Variants in ATG2A observed in about 807,000 individuals in gnomAD.
ATG2A encodes the protein autophagy-related protein 2 homolog A.
In ATG2A, 103 loss-of-function variants were observed where a neutral mutation model predicts 214.2. That is an observed-to-expected ratio of 0.48 (90% CI 0.41 to 0.57). The LOEUF (loss-of-function observed/expected upper bound fraction) is 0.57. Ranked by LOEUF, ATG2A falls within the 20% of genes least tolerant of loss-of-function variation. The probability of loss-of-function intolerance (pLI) is 0.00; values close to 1 mark genes in which losing one functional copy is unlikely to be tolerated. For synonymous variants in ATG2A, 1,160 were observed against 1,142.1 expected (o/e 1.02, Z -0.32); for missense variants, 2,312 against 2,613.2 (o/e 0.88, Z 2.51).
rs1471575748 is a variant in ATG2A, at chr11:64,914,132, G to A, written c.436C>T (p.Pro146Ser). 1 of 1,552,938 alleles carries A rather than the reference G, an allele frequency of 6.4e-7. No homozygotes were observed. The highest frequency in any genetic ancestry group is 2.4e-5 in the East Asian group (1 of 41,130). ...TCCAGCCCCTCCAGGGGCTGTGGTG[G>A]CTCAGAGGGCTCCGGTAGCCCATCC... ...LRDGLPEPSEPPQPLEGLEMF... is the reference protein window; with the variant it reads ...LRDGLPEPSESPQPLEGLEMF... The change falls in exon 3 of 41, where the codon CCA becomes TCA. Residue 146 changes from proline (P) to serine (S), a missense_variant. Coordinates refer to ENST00000377264, the MANE Select transcript of ATG2A (RefSeq NM_015104.3).
chr11:64,907,971 CT>C (rs1225903102), intron 16 of ATG2A, 81 bp from the exon 17 acceptor site: 1 of 1,485,754 alleles, frequency 6.7e-7, no homozygotes, highest in Admixed American at 2.0e-5. Context: ...CAGTCCTGCC[CT>C]CCTGTCGTTC....
Position 64,907,274 on chromosome 11 carries a change from G to C in ATG2A, c.2813C>G (p.Thr938Arg), listed in dbSNP as rs1417727129. 1 of 1,522,726 alleles carries C rather than the reference G, an allele frequency of 6.6e-7. No homozygotes were observed. Among genetic ancestry groups the C allele is most frequent in the African/African-American group, 1.4e-5 (1 of 72,064 alleles). 94.3% of individuals were successfully genotyped at this position (1,522,726 alleles called of 1,614,324 possible). The change falls in exon 19 of 41, where the codon ACA becomes AGA. Residue 938 changes from threonine (T) to arginine (R), a missense_variant. By Grantham distance (71) the Thr-to-Arg change is moderately conservative. Transcript: ENST00000377264. ...ACTCACCTTGGTCTCACAGAGGGCT[G>C]TGATCCGCCCCTTCAGCACTGTCAC... ...TLVTVLKGRI[T>R]ALCETKDEGG...
chr11:64,909,394 G>A (rs774498467), intron 14 of ATG2A, 27 bp from the exon 15 acceptor site: 2 of 1,596,584 alleles, frequency 1.3e-6, no homozygotes, highest in Non-Finnish European at 8.6e-7. Context: ...AATTAGGGGG[G>A]TCATCACTGC....
rs779410634 is a variant in ATG2A, at chr11:64,895,075, C to G, written c.5715G>C (p.Thr1905=). 1 of 1,612,874 alleles carries G rather than the reference C, an allele frequency of 6.2e-7. No homozygotes were observed. Among genetic ancestry groups the G allele is most frequent in the African/African-American group, 1.3e-5 (1 of 74,932 alleles). ...PTVVKPLILA[T]EATSSLLGGM... is the part of the protein sequence containing the mutation. ...CCCCGAGCAGGCTGGACGTGGCCTC[C>G]GTGGCCAGGATGAGCGGCTTCACCA... The change falls in exon 41 of 41, where the codon ACG becomes ACC. Residue 1905 remains threonine, a synonymous_variant. Coordinates refer to ENST00000377264, the MANE Select transcript of ATG2A (RefSeq NM_015104.3). This position sits in a 1 kb window ranked among gnomAD's most constrained non-coding sequence, Gnocchi z 5.0.
At position 64,914,071 on chromosome 11, in the gene ATG2A, G is replaced by T; in HGVS notation, c.487+10C>A. ...GCAGGAGACAGGGCGGCCAGGAGGG[G>T]CCTGCTCACCAGTCTCAATGGTCTG... On this transcript the variant is annotated intron_variant, in intron 3 of 40. Coordinates refer to ENST00000377264, the MANE Select transcript of ATG2A (RefSeq NM_015104.3). 6.5e-7 allele frequency: 1 copy of T among 1,537,642 alleles called. No individual in the cohort carries two copies. Among genetic ancestry groups the T allele is most frequent in the Non-Finnish European group, 8.8e-7 (1 of 1,138,606 alleles).
At chr11:64,900,668 C>T (rs1944321111) in intron 30 of ATG2A, 39 bp from the exon 31 acceptor site, 1 of 1,553,376 alleles carries the variant, frequency 6.4e-7, no homozygotes, top group Non-Finnish European at 8.7e-7. Flanking sequence ...CTCAGAGGAA[C>T]CCCATTCCCT....
chr11:64,912,765 G>T lies in ATG2A; in HGVS notation c.825+273C>A, dbSNP rs376262799. The T allele has an allele frequency of 7.1e-4, 321 of 449,124 alleles. 1 individual carries two copies. The highest frequency in any genetic ancestry group is 6.0e-3 in the African/African-American group (297 of 49,338). The allele number at this position is 449,124 out of a possible 1,614,324, so 27.8% of individuals were successfully genotyped here. On this transcript the variant is annotated intron_variant, in intron 6 of 40. Transcript: ENST00000377264. ...TGTGCCACCACGCCTGGCTAATTTT[G>T]TATTTTTAGTAGAGACGGGGTTTCA...
chr11:64,902,873 A>G (rs1324332348), intron 26 of ATG2A, among the ~76,000 whole-genome samples, 193 bp from the exon 27 acceptor site: 5 of 152,136 alleles, frequency 3.3e-5, no homozygotes, highest in African/African-American at 9.7e-5. Context: ...AGAGGGTGAA[A>G]GGGGCTTGGC....
rs1320929813 is a variant in ATG2A at position 64,913,436 on chromosome 11, C to T, written c.591-35G>A. ...GTAGGGTCAGCCCGTGCCCTGGCCA[C>T]CCCAGGCCTGGAGCCCCTCTCTCCA... On this transcript the variant is annotated intron_variant, in intron 4 of 40. Transcript: ENST00000377264. The surrounding 1 kb of genome is among the most constrained non-coding windows in gnomAD (Gnocchi z 4.3). The T allele has an allele frequency of 1.3e-6, 2 of 1,528,248 alleles. No individual in the cohort carries two copies. The highest frequency in any genetic ancestry group is 1.8e-6 in the Non-Finnish European group (2 of 1,134,036). 94.7% of individuals were successfully genotyped at this position (1,528,248 alleles called of 1,614,324 possible). A position where few individuals can be genotyped will look rare whatever the true frequency, so the allele number is the denominator to read the frequency against.
rs1944896526 is a variant in ATG2A, at chr11:64,914,327, C to A, written c.334+11G>T. On this transcript the variant is annotated intron_variant, in intron 2 of 40. Coordinates refer to ENST00000377264, the MANE Select transcript of ATG2A (RefSeq NM_015104.3). ...CCCACTTGCCTGCCCCCAGCCTCGCCCTGCCCTCACCTGGACCCCGGCGGG... is the reference window on the plus strand; with the variant it reads ...CCCACTTGCCTGCCCCCAGCCTCGCACTGCCCTCACCTGGACCCCGGCGGG... 2.5e-6 allele frequency: 4 copies of A among 1,590,084 alleles called. No homozygotes were observed. Among genetic ancestry groups the A allele is most frequent in the Non-Finnish European group, 3.4e-6 (4 of 1,169,134 alleles).
At position 64,903,810 on chromosome 11, in the gene ATG2A, C is replaced by T; in HGVS notation, c.3465-150G>A. ...CCTGCCTGCACAATGGGGAGAAGGC[C>T]CAGACAGCAGGCAGTGGGAAGCGGG... On this transcript the variant is annotated intron_variant, in intron 24 of 40. Coordinates refer to ENST00000377264, the MANE Select transcript of ATG2A (RefSeq NM_015104.3). This position sits in a 1 kb window ranked among gnomAD's most constrained non-coding sequence, Gnocchi z 4.2. 1 of 719,036 alleles carries T rather than the reference C, an allele frequency of 1.4e-6. No homozygotes were observed. Among genetic ancestry groups the T allele is most frequent in the Non-Finnish European group, 2.2e-6 (1 of 449,796 alleles). 44.5% of individuals were successfully genotyped at this position (719,036 alleles called of 1,614,324 possible). A position where few individuals can be genotyped will look rare whatever the true frequency, so the allele number is the denominator to read the frequency against.
intron 6 of ATG2A, 129 bp downstream of exon 6, chr11:64,912,909 T>C: frequency 4.1e-6 from 3 of 732,262 alleles, no homozygotes; most frequent in Non-Finnish European, 6.5e-6. Context: ...TCAGTTTCTT[T>C]AGCTGCCAAG....
chr11:64,905,555 C>T lies in ATG2A; in HGVS notation c.3464+8G>A, dbSNP rs890707348. ...GTGGGATGGCCCAGTGTGGGGCGGC[C>T]TGCATACCTGAGCAGGAAGGTGGAG... On this transcript the variant is annotated splice_region_variant and intron_variant, in intron 24 of 40. Transcript: ENST00000377264. 1.2e-6 allele frequency: 2 copies of T among 1,607,956 alleles called. No individual in the cohort carries two copies. The highest frequency in any genetic ancestry group is 2.7e-5 in the African/African-American group (2 of 74,844).
chr11:64,913,501 A>G lies in ATG2A; in HGVS notation c.591-100T>C. ...CTAGGGGCACGGGGTCAGGGAGCCT[A>G]GCCTGCAGAGCTGCCCCATCACACC... On this transcript the variant is annotated intron_variant, in intron 4 of 40. Coordinates refer to ENST00000377264, the MANE Select transcript of ATG2A (RefSeq NM_015104.3). This position sits in a 1 kb window ranked among gnomAD's most constrained non-coding sequence, Gnocchi z 4.3. The G allele has an allele frequency of 7.2e-7, 1 of 1,395,214 alleles. No individual in the cohort carries two copies. Among genetic ancestry groups the G allele is most frequent in the Non-Finnish European group, 9.5e-7 (1 of 1,054,084 alleles). The allele number at this position is 1,395,214 out of a possible 1,614,324, so 86.4% of individuals were successfully genotyped here.
At chr11:64,904,983 G>C (rs2136583826) in intron 24 of ATG2A, among the ~76,000 whole-genome samples, 1 of 152,166 alleles carries the variant, frequency 6.6e-6, no homozygotes, top group East Asian at 1.9e-4. Flanking sequence ...AGCCTCCCAA[G>C]TAGCTGGGAC....
Position 64,897,418 on chromosome 11 carries a change from C to T in ATG2A, c.5144G>A (p.Arg1715Lys). Residue 1715 changes from arginine to lysine, a missense_variant, in exon 37 of 41, where the codon AGG becomes AAG. By Grantham distance (26) the Arg-to-Lys change is conservative. Coordinates refer to ENST00000377264, the MANE Select transcript of ATG2A (RefSeq NM_015104.3). Reference sequence around the variant, plus strand: ...TGGGGTGCTGGGGACTCACCCGTGCCTGCAACAGAGCCGCTTTAGCTTCAG... The same window carrying T: ...TGGGGTGCTGGGGACTCACCCGTGCTTGCAACAGAGCCGCTTTAGCTTCAG... Reference protein sequence around the residue: ...SELKLKRLCCRHGLLGVDKVL... With the variant: ...SELKLKRLCCKHGLLGVDKVL... The T allele has an allele frequency of 6.4e-7, 1 of 1,563,348 alleles. No individual in the cohort carries two copies. The highest frequency in any genetic ancestry group is 8.7e-7 in the Non-Finnish European group (1 of 1,153,646).
In ATG2A at chr11:64,898,459, G is replaced by T; in HGVS notation, c.4672-97C>A. 1.5e-6 allele frequency: 2 copies of T among 1,340,224 alleles called. No homozygotes were observed. The highest frequency in any genetic ancestry group is 2.0e-6 in the Non-Finnish European group (2 of 978,274). The allele number at this position is 1,340,224 out of a possible 1,614,324, so 83.0% of individuals were successfully genotyped here. ...CAGCTCACCCAGCCACCCTGCCTCT[G>T]AACACGCTGTTCCCTTCGCTAACAC... On this transcript the variant is annotated intron_variant, in intron 32 of 40. Coordinates refer to ENST00000377264, the MANE Select transcript of ATG2A (RefSeq NM_015104.3). The surrounding 1 kb of genome is among the most constrained non-coding windows in gnomAD (Gnocchi z 4.5).
rs750835471 is a variant in ATG2A, at chr11:64,905,805, T to C, written c.3308A>G (p.Tyr1103Cys). 3 of 1,613,670 alleles carry C rather than the reference T, an allele frequency of 1.9e-6. No homozygotes were observed. Among genetic ancestry groups the C allele is most frequent in the African/African-American group, 1.3e-5 (1 of 75,028 alleles). Residue 1103 changes from tyrosine to cysteine, a missense_variant, in exon 23 of 41, where the codon TAC (tyrosine) becomes TGC (cysteine). Physicochemically the swap from Tyr to Cys is radical, Grantham distance 194. Transcript: ENST00000377264. ...LDVLDDPVLG[Y>C]LPPTVITILH... The stretch of plus-strand genomic sequence containing the variant: ...GATGGTGATGACCGTCGGGGGCAGG[T>C]AGCCCAGCACAGGGTCATCCAGCAC...
chr11:64,901,078 C>A lies in ATG2A; in HGVS notation c.4134G>T (p.Glu1378Asp). 1 of 1,568,398 alleles carries A rather than the reference C, an allele frequency of 6.4e-7. No homozygotes were observed. The highest frequency in any genetic ancestry group is 8.6e-7 in the Non-Finnish European group (1 of 1,156,918). Residue 1378 changes from glutamate to aspartate, a missense_variant, in exon 30 of 41, where the codon GAG (glutamate) becomes GAT (aspartate). Transcript: ENST00000377264. ...CGGGATGCAGCTGTGTCACCACAGG[C>A]TCCCCATCTCGGGGCTGCAGGGAGG... is the stretch of plus-strand genomic sequence containing the variant. ...PGLGIPPRDG[E>D]PVVTQLHPGP... is the part of the protein sequence containing the mutation.
Sources: gnomAD v4.1 joint callset for allele counts (sites outside exome capture counted in the v4.1 genomes callset) on GRCh38, gnomAD v4.1.1 for gene constraint, Gnocchi (gnomAD v3.1) non-coding constraint, MANE v1.5 for transcripts, NCBI Gene and HGNC (gene_info 2026-07-23, HGNC 2026-07-21) for gene names.